Variants in MAPK10 observed in about 807,000 individuals in gnomAD.
The protein encoded by MAPK10 is mitogen-activated protein kinase 10, also known as JNK3 alpha protein kinase.
Under a neutral mutation model 59.3 loss-of-function variants are expected in MAPK10, and 25 were observed. That is an observed-to-expected ratio of 0.42 (90% CI 0.31 to 0.59). The LOEUF is 0.59. MAPK10 is among the 20% of genes least tolerant of loss of function. MAPK10 has a pLI of 0.15. For synonymous variants in MAPK10, 190 were observed against 200.5 expected (o/e 0.95, Z 0.44); for missense variants, 351 against 568.9 (o/e 0.62, Z 3.90).
chr4:86,239,054 G>A (rs971620975), intron 2 of MAPK10, among the ~76,000 whole-genome samples: 12 of 152,114 alleles, frequency 7.9e-5, no homozygotes, highest in African/African-American at 7.2e-5. Flanking sequence ...TTTTTAACCC[G>A]AAGGGATGTT....
chr4:86,283,718 A>G (rs1457285298), intron 2 of MAPK10, among the ~76,000 whole-genome samples: 1 of 152,222 alleles, frequency 6.6e-6, no homozygotes, highest in Non-Finnish European at 1.5e-5. Flanking sequence ...TGGAGAAAGA[A>G]GTGTATTCAT....
At chr4:86,438,064 T>C (rs1285009256) in intron 1 of MAPK10, among the ~76,000 whole-genome samples, 1 of 152,172 alleles carries the variant, frequency 6.6e-6, no homozygotes, top group African/African-American at 2.4e-5. Flanking sequence ...TGCTAGGAAT[T>C]CAGGGCATTG....
At chr4:86,287,719 C>T (rs1237691699) in intron 2 of MAPK10, among the ~76,000 whole-genome samples, 3 of 152,188 alleles carry the variant, frequency 2.0e-5, no homozygotes, top group African/African-American at 7.2e-5. Flanking sequence ...AAAACCCAAT[C>T]ACTACCAGAA....
intron 1 of MAPK10, among the ~76,000 whole-genome samples, chr4:86,357,264 A>T (rs563362536): frequency 1.3e-5 from 2 of 152,202 alleles, no homozygotes; most frequent in Non-Finnish European, 2.9e-5. Context: ...AAGGGAGAAC[A>T]TCTATCCCCA....
At chr4:86,462,578 T>C (rs1269741668) in intron 1 of MAPK10, among the ~76,000 whole-genome samples, 6 of 152,184 alleles carry the variant, frequency 3.9e-5, no homozygotes, top group Admixed American at 3.9e-4. Context: ...GCCGTCCACG[T>C]GGCCAATTCA....
rs920600679 is a variant in MAPK10 at position 86,415,431 on chromosome 4, C to T, written c.-122+37599G>A. On this transcript the variant is annotated intron_variant, in intron 1 of 13. Transcript: ENST00000361569. ...GAAAAACTGTAAGGCAGCATTATTACACAATAGAGCTTTTGATAACTTAGG... is the reference window on the plus strand; with the variant it reads ...GAAAAACTGTAAGGCAGCATTATTATACAATAGAGCTTTTGATAACTTAGG... Among the ~76,000 whole-genome samples, 4 of 152,280 alleles carry T rather than the reference C, an allele frequency of 2.6e-5. No individual in the cohort carries two copies. In the South Asian group the frequency reaches 8.3e-4, roughly 32 times the overall value.
At chr4:86,367,369 A>AAT (rs1738065103) in intron 1 of MAPK10, among the ~76,000 whole-genome samples, 1 of 152,216 alleles carries the variant, frequency 6.6e-6, no homozygotes, top group South Asian at 2.1e-4. Context: ...ATACTATTAG[A>AAT]ATATAAGATT....
At chr4:86,147,092 T>A (rs1019170761) in intron 4 of MAPK10, among the ~76,000 whole-genome samples, 1 of 151,846 alleles carries the variant, frequency 6.6e-6, no homozygotes, top group African/African-American at 2.4e-5. Context: ...CTTCTTCTTC[T>A]TATTTTTTTT....
At chr4:86,186,725 A>C (rs577870700) in intron 3 of MAPK10, among the ~76,000 whole-genome samples, 1 of 152,266 alleles carries the variant, frequency 6.6e-6, no homozygotes, top group Non-Finnish European at 1.5e-5. Flanking sequence ...ATTTTTTGCC[A>C]AAACTAGAAC....
chr4:86,031,717 A>G (rs1318666749), intron 11 of MAPK10: 4 of 309,746 alleles, frequency 1.3e-5, no homozygotes, highest in Non-Finnish European at 1.8e-5. Context: ...ACCCACGCCT[A>G]AGCAATTAAT....
At chr4:86,147,992 T>C (rs1039986415) in intron 4 of MAPK10, among the ~76,000 whole-genome samples, 1 of 152,220 alleles carries the variant, frequency 6.6e-6, no homozygotes, top group East Asian at 1.9e-4. Flanking sequence ...CATTCAAACA[T>C]ACACATTACA....
At chr4:86,581,677 T>G (rs1672897400) in intron 1 of MAPK10, among the ~76,000 whole-genome samples, 1 of 58,850 alleles carries the variant, frequency 1.7e-5, no homozygotes, top group African/African-American at 6.2e-5. Flanking sequence ...TTTCAGTTAT[T>G]GTGTGTGTGT....
At chr4:86,232,503 A>G (rs1346310197) in intron 2 of MAPK10, among the ~76,000 whole-genome samples, 1 of 151,816 alleles carries the variant, frequency 6.6e-6, no homozygotes, top group East Asian at 1.9e-4. Context: ...CCTCCCAAGT[A>G]GCTGGGACTA....
intron 1 of MAPK10, among the ~76,000 whole-genome samples, chr4:86,532,850 C>T (rs1268666477): frequency 6.6e-6 from 1 of 152,240 alleles, no homozygotes; most frequent in Non-Finnish European, 1.5e-5. Flanking sequence ...GTGGCCTCTG[C>T]CTTGTGGCTT....
intron 11 of MAPK10, among the ~76,000 whole-genome samples, chr4:86,046,351 A>G (rs1033350767): frequency 3.3e-5 from 5 of 151,536 alleles, no homozygotes. Flanking sequence ...GTTGAATAGG[A>G]GTGGTGAGAG....
chr4:86,412,373 G>A (rs550057999), intron 1 of MAPK10, among the ~76,000 whole-genome samples: 2 of 152,104 alleles, frequency 1.3e-5, no homozygotes, highest in Non-Finnish European at 2.9e-5. Context: ...TGATGATTAT[G>A]TGTCTTGGGG....
intron 2 of MAPK10, among the ~76,000 whole-genome samples, chr4:86,303,749 C>A (rs540282367): frequency 2.0e-5 from 3 of 152,148 alleles, no homozygotes; most frequent in Non-Finnish European, 4.4e-5. Context: ...AAAATGAACA[C>A]GTGTCAAATA....
intron 2 of MAPK10, among the ~76,000 whole-genome samples, chr4:86,271,487 G>A (rs192626670): frequency 2.0e-4 from 30 of 151,928 alleles, no homozygotes; most frequent in African/African-American, 7.2e-4. Flanking sequence ...ACATATGGAG[G>A]TTTGTTACCT....
At chr4:86,115,316 C>T (rs1299520189) in intron 4 of MAPK10, among the ~76,000 whole-genome samples, 3 of 152,148 alleles carry the variant, frequency 2.0e-5, no homozygotes, top group East Asian at 3.9e-4. Flanking sequence ...ATGCAGCTCC[C>T]GGATCATTGC....
Sources: allele counts gnomAD v4.1 joint callset (sites outside exome capture counted in the v4.1 genomes callset), GRCh38; gene constraint gnomAD v4.1.1; transcripts MANE v1.5; gene names NCBI Gene and HGNC (gene_info 2026-07-23, HGNC 2026-07-21).